The following SPTLC3 variants were observed in gnomAD, a reference collection of about 807,000 sequenced individuals.
SPTLC3 encodes the protein serine palmitoyltransferase long chain base subunit 3.
SPTLC3 carries 36 observed loss-of-function variants against 59.3 expected under a neutral mutation model. The ratio of observed to expected loss-of-function variants is 0.61; its 90% CI spans 0.47 to 0.80. The LOEUF (loss-of-function observed/expected upper bound fraction) is 0.80. Among genes scored for constraint, SPTLC3 ranks in the 30% least tolerant of loss-of-function variants. The pLI, the probability that SPTLC3 is intolerant of heterozygous loss-of-function variation, is 0.00. For synonymous variants in SPTLC3, 257 were observed against 240.8 expected (o/e 1.07, Z -0.62); for missense variants, 625 against 685.1 (o/e 0.91, Z 0.98).
intron 9 of SPTLC3, among the ~76,000 whole-genome samples, chr20:13,128,196 T>C (rs566215867): frequency 6.6e-6 from 1 of 152,234 alleles, no homozygotes; most frequent in Non-Finnish European, 1.5e-5. Flanking sequence ...TATTTGCTGT[T>C]GTTTCTGAGG....
intron 2 of SPTLC3, among the ~76,000 whole-genome samples, chr20:13,053,010 C>T (rs768665794): frequency 1.1e-4 from 17 of 152,142 alleles, no homozygotes; most frequent in Non-Finnish European, 2.2e-4. Flanking sequence ...CTGAAGAGAG[C>T]AGCATATCTC....
intron 7 of SPTLC3, among the ~76,000 whole-genome samples, chr20:13,114,757 T>G (rs1990438655): frequency 6.6e-6 from 1 of 152,082 alleles, no homozygotes; most frequent in South Asian, 2.1e-4. Flanking sequence ...TTTCTTGTTT[T>G]GAGTTACACT....
At chr20:13,032,710 C>T (rs149168066) in intron 1 of SPTLC3, among the ~76,000 whole-genome samples, 1 of 152,298 alleles carries the variant, frequency 6.6e-6, no homozygotes, top group East Asian at 1.9e-4. Context: ...AATTTAGACC[C>T]CTCCATGCAA....
At chr20:13,076,676 G>A (rs1329626700) in intron 4 of SPTLC3, among the ~76,000 whole-genome samples, 1 of 151,908 alleles carries the variant, frequency 6.6e-6, no homozygotes, top group African/African-American at 2.4e-5. Context: ...ACTGAGATTT[G>A]GCCAAAAACC....
chr20:13,017,501 C>T (rs1370991666), intron 1 of SPTLC3, among the ~76,000 whole-genome samples: 10 of 152,224 alleles, frequency 6.6e-5, no homozygotes, highest in Admixed American at 6.5e-4. Context: ...ATATCTTAGA[C>T]ATGATGCAAT....
chr20:13,065,485 A>G (rs1388739231), intron 2 of SPTLC3, among the ~76,000 whole-genome samples: 1 of 151,890 alleles, frequency 6.6e-6, no homozygotes, highest in Non-Finnish European at 1.5e-5. Context: ...TAAGCAACAA[A>G]TAGATTGAAA....
At chr20:13,124,838 T>C (rs545956933) in intron 8 of SPTLC3, among the ~76,000 whole-genome samples, 8 of 152,234 alleles carry the variant, frequency 5.3e-5, no homozygotes, top group African/African-American at 1.9e-4. Context: ...TGGGAATGAA[T>C]GTGACTAATG....
chr20:13,124,809 C>T (rs34087830), intron 8 of SPTLC3, among the ~76,000 whole-genome samples: 7,650 of 152,226 alleles, frequency 0.05, 285 homozygotes, highest in South Asian at 0.089. Context: ...TGGGCAGGGA[C>T]CAGGCCCAGG....
intron 4 of SPTLC3, among the ~76,000 whole-genome samples, chr20:13,090,672 C>T (rs1989180377): frequency 1.3e-5 from 2 of 152,208 alleles, no homozygotes; most frequent in South Asian, 4.1e-4. Flanking sequence ...AAACCATCCT[C>T]ATGCTCCTAA....
At chr20:13,109,510 A>C (rs1990103757) in intron 6 of SPTLC3, among the ~76,000 whole-genome samples, 1 of 152,208 alleles carries the variant, frequency 6.6e-6, no homozygotes. Context: ...GTATGACAAA[A>C]ACTGAGCTTA....
intron 9 of SPTLC3, among the ~76,000 whole-genome samples, chr20:13,141,874 C>A (rs542508699): frequency 1.3e-5 from 2 of 152,294 alleles, no homozygotes; most frequent in African/African-American, 4.8e-5. Context: ...TCTACCTGGT[C>A]TTTTTGTGTG....
intron 2 of SPTLC3, among the ~76,000 whole-genome samples, chr20:13,052,683 T>C (rs1177623195): frequency 6.6e-6 from 1 of 152,126 alleles, no homozygotes; most frequent in East Asian, 1.9e-4. Flanking sequence ...GAAGTCAACC[T>C]GGGACACTCA....
intron 1 of SPTLC3, among the ~76,000 whole-genome samples, chr20:13,021,001 G>A (rs1255781738): frequency 6.6e-6 from 1 of 152,064 alleles, no homozygotes; most frequent in African/African-American, 2.4e-5. Flanking sequence ...TAATCAGTAC[G>A]ATGCCCAGCA....
chr20:13,106,341 T>A (rs187328746), intron 6 of SPTLC3, among the ~76,000 whole-genome samples: 3 of 152,246 alleles, frequency 2.0e-5, no homozygotes, highest in East Asian at 1.9e-4. Context: ...CCTGACTTCA[T>A]GGAAGAGAGA....
intron 7 of SPTLC3, among the ~76,000 whole-genome samples, chr20:13,113,318 C>T (rs933097980): frequency 6.6e-6 from 1 of 152,184 alleles, no homozygotes; most frequent in African/African-American, 2.4e-5. Flanking sequence ...GGTACCTACA[C>T]AAAGCCTCCT....
rs374846210 is a variant in SPTLC3 at position 13,126,485 on chromosome 20, A to T, written c.1153-106A>T. Reference sequence around the variant, plus strand: ...ACCCCATTCATCTTTTGAGCATGAGATCAAATGTCTTTTGCTATGAGGATA... The same window carrying T: ...ACCCCATTCATCTTTTGAGCATGAGTTCAAATGTCTTTTGCTATGAGGATA... On this transcript the variant is annotated intron_variant, in intron 8 of 11. Transcript: ENST00000399002. 16 of 1,343,448 alleles carry T rather than the reference A, an allele frequency of 1.2e-5. No individual in the cohort carries two copies. The East Asian group carries it at 2.7e-4, about 23-fold the overall frequency. The allele number at this position is 1,343,448 out of a possible 1,614,324, so 83.2% of individuals were successfully genotyped here.
rs376096283 is a variant in SPTLC3, at chr20:13,072,334, C to T, written c.382C>T (p.Arg128Trp). The T allele has an allele frequency of 1.1e-5, 18 of 1,613,564 alleles. No individual in the cohort carries two copies. The highest frequency in any genetic ancestry group is 1.6e-4 in the Middle Eastern group (1 of 6,082). Residue 128 changes from arginine to tryptophan, a missense_variant, in exon 3 of 12, where the codon CGG becomes TGG. Coordinates refer to ENST00000399002, the MANE Select transcript of SPTLC3 (RefSeq NM_018327.4). ...CATGCGAATCAGAGACAACTGGAACCGGCCCATCTGCAGTGCCCCAGGGCC... is the reference window on the plus strand; with the variant it reads ...CATGCGAATCAGAGACAACTGGAACTGGCCCATCTGCAGTGCCCCAGGGCC... Reference protein sequence around the residue: ...LYMRIRDNWNRPICSAPGPLF... With the variant: ...LYMRIRDNWNWPICSAPGPLF...
At position 13,062,820 on chromosome 20, in the gene SPTLC3, G is replaced by A. The variant is rs191746119; in HGVS notation, c.304-9436G>A. Reference sequence around the variant, plus strand: ...ACTTCATTCCTTTTAATAGCTGCACGATATTCCATAATATTCCATGATACT... The same window carrying A: ...ACTTCATTCCTTTTAATAGCTGCACAATATTCCATAATATTCCATGATACT... On this transcript the variant is annotated intron_variant, in intron 2 of 11. Transcript: ENST00000399002. Among the ~76,000 whole-genome samples the A allele has an allele frequency of 4.9e-4, 74 of 152,174 alleles. 1 individual carries two copies. Among genetic ancestry groups the A allele is most frequent in the Admixed American group, 2.7e-3 (42 of 15,288 alleles).
chr20:13,075,831 C>A (rs1377524408), intron 4 of SPTLC3, among the ~76,000 whole-genome samples: 1 of 152,162 alleles, frequency 6.6e-6, no homozygotes, highest in Non-Finnish European at 1.5e-5. Flanking sequence ...CTGATAACAA[C>A]CCCCCAACTC....
Sources: allele counts gnomAD v4.1 joint callset (sites outside exome capture counted in the v4.1 genomes callset), GRCh38; gene constraint gnomAD v4.1.1; transcripts MANE v1.5; gene names NCBI Gene and HGNC (gene_info 2026-07-23, HGNC 2026-07-21).